The following CDKL2 variants were observed in gnomAD, a reference collection of about 807,000 sequenced individuals.
The protein encoded by CDKL2 is cyclin dependent kinase like 2.
CDKL2 carries 64 observed loss-of-function variants against 63.9 expected under a neutral mutation model. The observed-to-expected ratio is 1.00, with a 90% CI of 0.82 to 1.23. The LOEUF (loss-of-function observed/expected upper bound fraction) is 1.23, where lower values mean the gene tolerates loss of function less well. CDKL2 is among the 50% of genes most tolerant of loss of function. The pLI is 0.00. For synonymous variants in CDKL2, 211 were observed against 229.2 expected (o/e 0.92, Z 0.72); for missense variants, 656 against 668.0 (o/e 0.98, Z 0.20).
At chr4:75,624,807 GAGAT>G (rs143681843) in intron 2 of CDKL2, among the ~76,000 whole-genome samples, 1,787 of 152,010 alleles carry the variant, frequency 0.012, 37 homozygotes, top group African/African-American at 0.042. Flanking sequence ...GTAGTGAACT[GAGAT>G]AGCACCATTG....
intron 13 of CDKL2, among the ~76,000 whole-genome samples, chr4:75,580,850 G>A (rs1327373115): frequency 1.3e-5 from 2 of 149,460 alleles, no homozygotes; most frequent in South Asian, 2.1e-4. Context: ...ACAGGCGCCC[G>A]CTACCACACC....
chr4:75,626,079 G>T, intron 1 of CDKL2, 62 bp from the exon 2 acceptor site: 1 of 1,007,494 alleles, frequency 9.9e-7, no homozygotes, highest in Non-Finnish European at 1.5e-6. Context: ...CGCCTTCCCA[G>T]CAAATTAATT....
At chr4:75,606,866 T>C (rs545507019) in intron 4 of CDKL2, among the ~76,000 whole-genome samples, 1 of 152,238 alleles carries the variant, frequency 6.6e-6, no homozygotes, top group Non-Finnish European at 1.5e-5. Flanking sequence ...CCTTGCTTAC[T>C]CCATCTTCCC....
At chr4:75,596,217 C>T (rs760158126) in intron 10 of CDKL2, 30 bp downstream of exon 10, 15 of 1,271,332 alleles carry the variant, frequency 1.2e-5, no homozygotes, top group Non-Finnish European at 1.6e-5. Flanking sequence ...CTGGTGTTTG[C>T]TCTTCTACTA....
At chr4:75,597,429 A>G (rs1728994623) in intron 8 of CDKL2, among the ~76,000 whole-genome samples, 193 bp from the exon 9 acceptor site, 1 of 152,122 alleles carries the variant, frequency 6.6e-6, no homozygotes, top group African/African-American at 2.4e-5. Context: ...GAAAATACAA[A>G]AAGAATGGAA....
chr4:75,600,463 G>A (rs570531605), intron 6 of CDKL2, 94 bp from the exon 7 acceptor site: 21 of 825,050 alleles, frequency 2.5e-5, no homozygotes, highest in African/African-American at 2.3e-4. Flanking sequence ...TATAGTCAAC[G>A]ATTTTTTTTT....
At chr4:75,580,778 G>A (rs933928085) in intron 13 of CDKL2, among the ~76,000 whole-genome samples, 1 of 146,314 alleles carries the variant, frequency 6.8e-6, no homozygotes, top group African/African-American at 2.5e-5. Flanking sequence ...TCGGCTCACT[G>A]CAAGCTCCGC....
intron 2 of CDKL2, among the ~76,000 whole-genome samples, chr4:75,618,609 A>G (rs1479743148): frequency 6.6e-6 from 1 of 152,110 alleles, no homozygotes; most frequent in Non-Finnish European, 1.5e-5. Context: ...TAAACATATA[A>G]AAGGCTAAAA....
chr4:75,597,261 A>G (rs748743667), intron 8 of CDKL2, 25 bp from the exon 9 acceptor site: 2 of 1,413,180 alleles, frequency 1.4e-6, no homozygotes, highest in Non-Finnish European at 2.0e-6. Context: ...AAATATTAAT[A>G]AGGTTAATGA....
chr4:75,608,130 T>TTTA (rs1161525965), intron 3 of CDKL2, among the ~76,000 whole-genome samples: 3 of 133,562 alleles, frequency 2.2e-5, no homozygotes, highest in Non-Finnish European at 4.8e-5. Flanking sequence ...ACCTTTTTTT[T>TTTA]TTTTTTTTTT....
chr4:75,597,175 A>G lies in CDKL2; in HGVS notation c.1082T>C (p.Ile361Thr). 1.9e-6 allele frequency: 3 copies of G among 1,613,164 alleles called. No homozygotes were observed. The highest frequency in any genetic ancestry group is 1.7e-5 in the Admixed American group (1 of 59,992). Reference protein sequence around the residue: ...YKLFKIKGSKIDGEKAEKGNR... With the variant: ...YKLFKIKGSKTDGEKAEKGNR... ...GCCTTTTTCAGCTTTTTCTCCATCA[A>G]TTTTTGAGCCTTTTATTTTAAATAG... The change falls in exon 9 of 14, where the codon ATT (isoleucine) becomes ACT (threonine). Residue 361 changes from isoleucine to threonine, a missense_variant. Transcript: ENST00000307465.
Position 75,597,064 on chromosome 4 carries a change from C to T in CDKL2, c.1193G>A (p.Ser398Asn), listed in dbSNP as rs1356918009. 5.0e-6 allele frequency: 8 copies of T among 1,614,074 alleles called. No individual in the cohort carries two copies. The highest frequency in any genetic ancestry group is 3.3e-5 in the Admixed American group (2 of 60,000). ...IVPSTSLKDC[S>N]NVSVDHTRNP... ...CCTTGTGTGGTCCACGCTGACATTGCTGCAGTCTTTGAGGCTTGTTGAAGG... is the reference window on the plus strand; with the variant it reads ...CCTTGTGTGGTCCACGCTGACATTGTTGCAGTCTTTGAGGCTTGTTGAAGG... The change falls in exon 9 of 14, where the codon AGC becomes AAC. Residue 398 changes from serine (S) to asparagine (N), a missense_variant. Coordinates refer to ENST00000307465, the MANE Select transcript of CDKL2 (RefSeq NM_001330724.2).
chr4:75,579,748 G>C (rs935156252), intron 13 of CDKL2, among the ~76,000 whole-genome samples: 2 of 152,126 alleles, frequency 1.3e-5, no homozygotes, highest in Non-Finnish European at 2.9e-5. Context: ...TTGACAAAAT[G>C]CATCCAAGTT....
intron 6 of CDKL2, among the ~76,000 whole-genome samples, chr4:75,602,905 TAC>T (rs1729259046): frequency 6.6e-6 from 1 of 152,140 alleles, no homozygotes; most frequent in Non-Finnish European, 1.5e-5. Flanking sequence ...GTAAAAATCA[TAC>T]AGTGTTTTTA....
rs950387699 is a variant in CDKL2 at position 75,597,315 on chromosome 4, C to T, written c.1021-79G>A. The stretch of plus-strand genomic sequence containing the variant: ...TTACCTCTTCTTATAAAGTACTTGT[C>T]AACTAGAGCAGAATATCATAAGTAT... On this transcript the variant is annotated intron_variant, in intron 8 of 13. Coordinates refer to ENST00000307465, the MANE Select transcript of CDKL2 (RefSeq NM_001330724.2). 5 of 850,612 alleles carry T rather than the reference C, an allele frequency of 5.9e-6. No homozygotes were observed. The African/African-American group carries it at 8.5e-5, about 14-fold the overall frequency. 52.7% of individuals were successfully genotyped at this position (850,612 alleles called of 1,614,324 possible).
At chr4:75,626,969 G>A (rs990184821) in intron 1 of CDKL2, among the ~76,000 whole-genome samples, 2 of 151,872 alleles carry the variant, frequency 1.3e-5, no homozygotes, top group Admixed American at 6.6e-5. Context: ...TTTAGAAGGC[G>A]GAGGCGGGCA....
At chr4:75,628,269 C>A (rs1013018770) in intron 1 of CDKL2, among the ~76,000 whole-genome samples, 1 of 152,000 alleles carries the variant, frequency 6.6e-6, no homozygotes, top group Non-Finnish European at 1.5e-5. Flanking sequence ...GCGCCTGCCA[C>A]CACGCCCAGC....
At chr4:75,614,681 G>C (rs1268036606) in intron 2 of CDKL2, among the ~76,000 whole-genome samples, 1 of 151,584 alleles carries the variant, frequency 6.6e-6, no homozygotes, top group East Asian at 1.9e-4. Context: ...AAGCTAATAA[G>C]AAAAATAAGT....
At chr4:75,597,565 A>G (rs568917968) in intron 8 of CDKL2, among the ~76,000 whole-genome samples, 1 of 152,314 alleles carries the variant, frequency 6.6e-6, no homozygotes, top group Non-Finnish European at 1.5e-5. Context: ...ATGGAACACA[A>G]AACTGATAAC....
Sources: gnomAD v4.1 joint callset for allele counts (sites outside exome capture counted in the v4.1 genomes callset) on GRCh38, gnomAD v4.1.1 for gene constraint, MANE v1.5 for transcripts, NCBI Gene and HGNC (gene_info 2026-07-23, HGNC 2026-07-21) for gene names.